Variants in LIN52 observed in about 807,000 individuals in gnomAD.
LIN52 encodes protein lin-52 homolog.
In LIN52, 4 loss-of-function variants were observed where a neutral mutation model predicts 18.5. The observed-to-expected ratio is 0.22, with a 90% CI of 0.11 to 0.49. The LOEUF (loss-of-function observed/expected upper bound fraction) is 0.49. Ranked by LOEUF, LIN52 falls within the 20% of genes least tolerant of loss-of-function variation. LIN52 has a pLI of 0.97. For missense variants in LIN52, 102 were observed against 139.5 expected (o/e 0.73, Z 1.35); for synonymous variants, 34 against 45.5 (o/e 0.75, Z 1.02).
intron 5 of LIN52, among the ~76,000 whole-genome samples, chr14:74,149,127 A>C (rs2061165493): frequency 6.6e-6 from 1 of 152,224 alleles, no homozygotes; most frequent in Admixed American, 6.5e-5. Flanking sequence ...GAAGCACTGA[A>C]GTAGTTGGTT....
intron 5 of LIN52, among the ~76,000 whole-genome samples, chr14:74,144,571 G>T (rs2139548534): frequency 6.6e-6 from 1 of 151,686 alleles, no homozygotes; most frequent in South Asian, 2.1e-4. Context: ...TAAATATAAG[G>T]TCTATGAAAT....
intron 5 of LIN52, among the ~76,000 whole-genome samples, chr14:74,177,014 T>C (rs902877722): frequency 2.6e-5 from 4 of 152,190 alleles, no homozygotes; most frequent in Non-Finnish European, 4.4e-5. Flanking sequence ...TTTTTTTTTT[T>C]TGAGACTGAG....
At chr14:74,107,138 C>T (rs773392635) in intron 5 of LIN52, among the ~76,000 whole-genome samples, 2 of 152,116 alleles carry the variant, frequency 1.3e-5, no homozygotes, top group African/African-American at 2.4e-5. Context: ...AGTGATGAGA[C>T]GTAATATTTG....
chr14:74,118,786 C>T (rs1329349257), intron 5 of LIN52, among the ~76,000 whole-genome samples: 1 of 152,116 alleles, frequency 6.6e-6, no homozygotes, highest in Non-Finnish European at 1.5e-5. Context: ...AAACAAAACA[C>T]CTTTCTAGTA....
chr14:74,125,371 G>T (rs1045294330), intron 5 of LIN52, among the ~76,000 whole-genome samples: 1 of 152,212 alleles, frequency 6.6e-6, no homozygotes, highest in Admixed American at 6.5e-5. Flanking sequence ...GGCCAGTGAT[G>T]ATGAGCATTT....
At chr14:74,139,011 A>T (rs767434505) in intron 5 of LIN52, among the ~76,000 whole-genome samples, 1 of 150,224 alleles carries the variant, frequency 6.7e-6, no homozygotes, top group Non-Finnish European at 1.5e-5. Flanking sequence ...CAAAGGTGTC[A>T]TCAAGGACTA....
intron 5 of LIN52, among the ~76,000 whole-genome samples, chr14:74,172,887 G>A (rs992507453): frequency 1.3e-5 from 2 of 152,166 alleles, no homozygotes; most frequent in African/African-American, 4.8e-5. Flanking sequence ...AACTTGTTTA[G>A]TGAGTTTCTG....
chr14:74,106,670 A>G (rs1227473143), intron 5 of LIN52, among the ~76,000 whole-genome samples: 1 of 152,140 alleles, frequency 6.6e-6, no homozygotes, highest in Non-Finnish European at 1.5e-5. Context: ...GGCTCACTGC[A>G]ACCTCCACCT....
intron 5 of LIN52, among the ~76,000 whole-genome samples, chr14:74,162,362 G>C (rs2061229128): frequency 6.6e-6 from 1 of 151,092 alleles, no homozygotes; most frequent in Non-Finnish European, 1.5e-5. Flanking sequence ...TGTAATCCCA[G>C]CTGCTTGGGA....
At chr14:74,101,313 TC>T in intron 5 of LIN52, 75 bp downstream of exon 5, 1 of 950,166 alleles carries the variant, frequency 1.1e-6, no homozygotes, top group Non-Finnish European at 1.6e-6. Context: ...GCTCAGGTAT[TC>T]CACCCTGAGC....
At chr14:74,160,113 A>G (rs1379682169) in intron 5 of LIN52, among the ~76,000 whole-genome samples, 1 of 152,222 alleles carries the variant, frequency 6.6e-6, no homozygotes, top group Non-Finnish European at 1.5e-5. Context: ...TAATTAAGTT[A>G]AAATGAGGTC....
At chr14:74,130,487 A>G (rs1469954945) in intron 5 of LIN52, among the ~76,000 whole-genome samples, 1 of 151,282 alleles carries the variant, frequency 6.6e-6, no homozygotes, top group Admixed American at 6.6e-5. Context: ...CATGTTGGCC[A>G]AGCTGGTCTC....
At chr14:74,087,671 GT>G (rs1175540415) in intron 1 of LIN52, among the ~76,000 whole-genome samples, 1 of 151,972 alleles carries the variant, frequency 6.6e-6, no homozygotes, top group Non-Finnish European at 1.5e-5. Flanking sequence ...TGTTCCACCT[GT>G]CACTGTCTTT....
At chr14:74,088,697 C>G (rs1043905793) in intron 1 of LIN52, among the ~76,000 whole-genome samples, 1 of 152,144 alleles carries the variant, frequency 6.6e-6, no homozygotes, top group African/African-American at 2.4e-5. Flanking sequence ...GAGAAAAGTA[C>G]ATTTTGTACG....
intron 5 of LIN52, among the ~76,000 whole-genome samples, chr14:74,180,098 G>T (rs1182269316): frequency 1.3e-5 from 2 of 152,096 alleles, no homozygotes; most frequent in African/African-American, 4.8e-5. Context: ...AAGACATCCA[G>T]TTTACTGAAA....
chr14:74,139,383 T>C (rs117831151), intron 5 of LIN52, among the ~76,000 whole-genome samples: 68 of 152,256 alleles, frequency 4.5e-4, no homozygotes, highest in Non-Finnish European at 8.4e-4. Context: ...GGATGTGAGG[T>C]GATGTGTTGA....
intron 5 of LIN52, among the ~76,000 whole-genome samples, chr14:74,193,036 T>C (rs767298325): frequency 2.0e-5 from 3 of 152,262 alleles, no homozygotes; most frequent in Middle Eastern, 3.4e-3. Context: ...TTAAACTAAA[T>C]GGCCAATGAT....
chr14:74,129,574 C>T (rs1011173059), intron 5 of LIN52, among the ~76,000 whole-genome samples: 4 of 152,050 alleles, frequency 2.6e-5, no homozygotes, highest in African/African-American at 7.2e-5. Context: ...TACATGCAGC[C>T]GGGCACAGTG....
chr14:74,117,344 C>T (rs1170399977), intron 5 of LIN52, among the ~76,000 whole-genome samples: 1 of 152,144 alleles, frequency 6.6e-6, no homozygotes, highest in East Asian at 1.9e-4. Context: ...GGGCTGTCTT[C>T]ACTGTAGTTG....
Sources: allele counts gnomAD v4.1 joint callset (sites outside exome capture counted in the v4.1 genomes callset), GRCh38; gene constraint gnomAD v4.1.1; transcripts MANE v1.5; gene names NCBI Gene and HGNC (gene_info 2026-07-23, HGNC 2026-07-21).